Variants in RASSF5 observed in about 807,000 individuals in gnomAD.
RASSF5 encodes Ras association domain family member 5.
RASSF5 carries 25 observed loss-of-function variants against 40.5 expected under a neutral mutation model. The ratio of observed to expected loss-of-function variants is 0.62; its 90% confidence interval spans 0.45 to 0.86. The LOEUF is 0.86. Among genes scored for constraint, RASSF5 ranks in the 40% least tolerant of loss-of-function variants. The pLI is 0.00. For synonymous variants in RASSF5, 246 were observed against 252.4 expected (o/e 0.97, Z 0.24); for missense variants, 521 against 572.8 (o/e 0.91, Z 0.92).
chr1:206,554,408 A>G (rs1667925618), intron 2 of RASSF5, among the ~76,000 whole-genome samples: 1 of 152,204 alleles, frequency 6.6e-6, no homozygotes. Flanking sequence ...CTGAGAAAGG[A>G]AAAAAGCTTA....
intron 1 of RASSF5, among the ~76,000 whole-genome samples, chr1:206,518,018 C>T (rs1264533315): frequency 1.3e-5 from 2 of 152,136 alleles, no homozygotes; most frequent in African/African-American, 2.4e-5. Context: ...GGGCTGGGCA[C>T]GTGGTGTGAG....
rs764844474 is a variant in RASSF5, at chr1:206,586,889, G to A, written c.1168G>A (p.Asp390Asn). The A allele has an allele frequency of 3.5e-5, 56 of 1,614,042 alleles. No individual in the cohort carries two copies. The highest frequency in any genetic ancestry group is 4.7e-5 in the Non-Finnish European group (56 of 1,180,042). Residue 390 changes from aspartate to asparagine, a missense_variant, in exon 6 of 6, where the codon GAC becomes AAC. By Grantham distance (23) the Asp-to-Asn change is conservative. Around this residue, in one of 2 missense-constraint regions of RASSF5, gnomAD observed 284 missense variants for 360.8 expected, o/e 0.79. Coordinates refer to ENST00000579436, the MANE Select transcript of RASSF5 (RefSeq NM_182663.4). Reference sequence around the variant, plus strand: ...AACAATCCTGGAAAAAGAGGAGCAGGACAAAATCCAACAAGTGCAAAAGAA... The same window carrying A: ...AACAATCCTGGAAAAAGAGGAGCAGAACAAAATCCAACAAGTGCAAAAGAA... ...FLTILEKEEQ[D>N]KIQQVQKKYD...
chr1:206,544,150 C>T (rs369479384), intron 2 of RASSF5: 26 of 152,196 alleles, frequency 1.7e-4, no homozygotes, highest in African/African-American at 5.1e-4. Flanking sequence ...ATTGTGTAGA[C>T]GAAATACTTG....
intron 2 of RASSF5, among the ~76,000 whole-genome samples, chr1:206,582,502 T>C (rs1668932469): frequency 6.6e-6 from 1 of 152,150 alleles, no homozygotes; most frequent in African/African-American, 2.4e-5. Context: ...AGACTTCTGG[T>C]TTGTGAGAAT....
chr1:206,584,885 G>A lies in RASSF5; in HGVS notation c.988+201G>A, dbSNP rs1042235344. 6 of 614,720 alleles carry A rather than the reference G, an allele frequency of 9.8e-6. No individual in the cohort carries two copies. Among genetic ancestry groups the A allele is most frequent in the Non-Finnish European group, 1.7e-5 (6 of 351,146 alleles). 38.1% of individuals were successfully genotyped at this position (614,720 alleles called of 1,614,324 possible). On this transcript the variant is annotated intron_variant, in intron 4 of 5. Transcript: ENST00000579436. The surrounding 1 kb of genome is among the most constrained non-coding windows in gnomAD (Gnocchi z 4.9). ...GTCCCTGACTCTGCATGTGACTTCA[G>A]GAAAACCACACCCTAGGCTCCCATT...
At position 206,535,715 on chromosome 1, in the gene RASSF5, GGT is replaced by G. The variant is rs782619931; in HGVS notation, c.458-2429_458-2428del. Among the ~76,000 whole-genome samples, 8,257 of 144,944 alleles carry G rather than the reference GGT, an allele frequency of 0.057. 292 individuals are homozygous for G. The highest frequency in any genetic ancestry group is 0.082 in the Non-Finnish European group (5,330 of 65,226). ...TGTGTGTGTGTGTCTGTGTGTGTGT[GGT>G]GTGTGTGTGTGTGTGTGTGTGTGTG... is the stretch of plus-strand genomic sequence containing the variant. On this transcript the variant is annotated intron_variant, in intron 1 of 5. Coordinates refer to ENST00000579436, the MANE Select transcript of RASSF5 (RefSeq NM_182663.4). This position sits in a 1 kb window ranked among gnomAD's most constrained non-coding sequence, Gnocchi z 5.0.
At chr1:206,549,294 C>T (rs1667776419) in intron 2 of RASSF5, among the ~76,000 whole-genome samples, 1 of 152,112 alleles carries the variant, frequency 6.6e-6, no homozygotes, top group Admixed American at 6.5e-5. Flanking sequence ...AATTTCAACT[C>T]TAGTGGTTTG....
At chr1:206,541,856 C>G (rs996662213) in intron 2 of RASSF5, 3 of 152,166 alleles carry the variant, frequency 2.0e-5, no homozygotes, top group Admixed American at 2.0e-4. Context: ...GGTGCCCTCA[C>G]GATGAAGTGA....
At chr1:206,575,553 T>C (rs1668609527) in intron 2 of RASSF5, among the ~76,000 whole-genome samples, 1 of 152,154 alleles carries the variant, frequency 6.6e-6, no homozygotes, top group African/African-American at 2.4e-5. Flanking sequence ...TTTGTGCTCC[T>C]TTAGATTGGT....
intron 1 of RASSF5, among the ~76,000 whole-genome samples, chr1:206,525,849 C>T (rs578087282): frequency 1.3e-5 from 2 of 152,280 alleles, no homozygotes; most frequent in African/African-American, 4.8e-5. Flanking sequence ...AAGTGTATGT[C>T]AATCCCATCC....
intron 2 of RASSF5, chr1:206,541,903 A>G (rs1296734800): frequency 6.6e-6 from 1 of 152,142 alleles, no homozygotes; most frequent in Admixed American, 6.5e-5. Context: ...TTCGCTGCCT[A>G]TGGAGAAGCT....
rs571115350 is a variant in RASSF5, at chr1:206,518,248, G to A, written c.457+10189G>A. 26 of 394,578 alleles carry A rather than the reference G, an allele frequency of 6.6e-5. No individual in the cohort carries two copies. In the Middle Eastern group the frequency reaches 1.9e-3, roughly 29 times the overall value. 24.4% of individuals were successfully genotyped at this position (394,578 alleles called of 1,614,324 possible). Reference sequence around the variant, plus strand: ...GCGGAGACAGAAGGCATCGTCAGTCGTTGAGGGTACCAGAGCCTGAGGGTC... The same window carrying A: ...GCGGAGACAGAAGGCATCGTCAGTCATTGAGGGTACCAGAGCCTGAGGGTC... On this transcript the variant is annotated intron_variant, in intron 1 of 5. Transcript: ENST00000579436.
Position 206,535,703 on chromosome 1 carries a change from C to CTGTG in RASSF5, c.458-2460_458-2457dup, listed in dbSNP as rs142222948. ...TTTCAGGGTGTGTGTGTGTGTGTGT[C>CTGTG]TGTGTGTGTGTGGTGTGTGTGTGTG... On this transcript the variant is annotated intron_variant, in intron 1 of 5. Coordinates refer to ENST00000579436, the MANE Select transcript of RASSF5 (RefSeq NM_182663.4). This position sits in a 1 kb window ranked among gnomAD's most constrained non-coding sequence, Gnocchi z 5.0. Among the ~76,000 whole-genome samples, 64 of 143,028 alleles carry CTGTG rather than the reference C, an allele frequency of 4.5e-4. No homozygotes were observed. The highest frequency in any genetic ancestry group is 1.0e-3 in the Admixed American group (15 of 14,320). 93.8% of individuals were successfully genotyped at this position (143,028 alleles called of 152,430 possible). A position where few individuals can be genotyped will look rare whatever the true frequency, so the allele number is the denominator to read the frequency against.
chr1:206,580,727 C>T (rs566711849), intron 2 of RASSF5: 2 of 152,352 alleles, frequency 1.3e-5, no homozygotes, highest in Admixed American at 1.3e-4. Flanking sequence ...GCTGCTTGCC[C>T]TTGGGTGGTC....
chr1:206,572,986 T>C (rs782533262), intron 2 of RASSF5, among the ~76,000 whole-genome samples: 2 of 152,024 alleles, frequency 1.3e-5, no homozygotes, highest in Non-Finnish European at 2.9e-5. Flanking sequence ...ATGGAAAAAT[T>C]TGGACAAATG....
At chr1:206,528,976 C>G in intron 1 of RASSF5, 1 of 676,518 alleles carries the variant, frequency 1.5e-6, no homozygotes, top group Non-Finnish European at 2.6e-6. Flanking sequence ...AAGCAGGAGG[C>G]CAAGGAAGTG....
At chr1:206,525,874 G>C (rs1485365321) in intron 1 of RASSF5, among the ~76,000 whole-genome samples, 2 of 152,200 alleles carry the variant, frequency 1.3e-5, no homozygotes, top group Non-Finnish European at 2.9e-5. Context: ...CTGCCACACA[G>C]AAAACTGATA....
At chr1:206,568,884 C>T (rs1218945059) in intron 2 of RASSF5, among the ~76,000 whole-genome samples, 4 of 152,238 alleles carry the variant, frequency 2.6e-5, no homozygotes, top group Non-Finnish European at 4.4e-5. Context: ...ATGGATAGCT[C>T]CAACGGTGAG....
At chr1:206,575,112 G>A (rs895162857) in intron 2 of RASSF5, among the ~76,000 whole-genome samples, 5 of 151,870 alleles carry the variant, frequency 3.3e-5, no homozygotes, top group South Asian at 2.1e-4. Flanking sequence ...CTTTGAATGC[G>A]GTTTGGACAT....
Sources: allele counts gnomAD v4.1 joint callset (sites outside exome capture counted in the v4.1 genomes callset), GRCh38; gene constraint gnomAD v4.1.1; regional missense constraint gnomAD v4.1.1; non-coding constraint Gnocchi (gnomAD v3.1); transcripts MANE v1.5; gene names NCBI Gene and HGNC (gene_info 2026-07-23, HGNC 2026-07-21).